Variants in PARD3 observed in about 807,000 individuals in gnomAD.
PARD3 encodes the protein partitioning defective 3 homolog.
Under a neutral mutation model 155.4 loss-of-function variants are expected in PARD3, and 75 were observed. The observed-to-expected ratio is 0.48, with a 90% CI of 0.40 to 0.58. PARD3 has a LOEUF of 0.58. Ranked by LOEUF, PARD3 falls within the 20% of genes least tolerant of loss-of-function variation. The pLI is 0.00. For synonymous variants in PARD3, 576 were observed against 610.5 expected (o/e 0.94, Z 0.83); for missense variants, 1,642 against 1,721.7 (o/e 0.95, Z 0.82).
intron 24 of PARD3, among the ~76,000 whole-genome samples, chr10:34,118,713 T>A (rs1208465691): frequency 6.6e-6 from 1 of 152,182 alleles, no homozygotes; most frequent in Non-Finnish European, 1.5e-5. Flanking sequence ...AGCATTTGTC[T>A]CCTAACTCCC....
chr10:34,429,324 C>A (rs2075779701), intron 5 of PARD3, among the ~76,000 whole-genome samples: 1 of 151,974 alleles, frequency 6.6e-6, no homozygotes, highest in Non-Finnish European at 1.5e-5. Flanking sequence ...TGTCTAGACA[C>A]CTCTTTGAAT....
At chr10:34,348,315 C>A (rs1837641596) in intron 14 of PARD3, among the ~76,000 whole-genome samples, 200 bp from the exon 15 acceptor site, 1 of 152,176 alleles carries the variant, frequency 6.6e-6, no homozygotes, top group Non-Finnish European at 1.5e-5. Context: ...TATACCATGC[C>A]TCCCATGAAG....
At chr10:34,807,496 C>T (rs1363811360) in intron 1 of PARD3, among the ~76,000 whole-genome samples, 1 of 152,182 alleles carries the variant, frequency 6.6e-6, no homozygotes, top group Non-Finnish European at 1.5e-5. Context: ...AAGGAAACCT[C>T]ATACCCATTC....
intron 24 of PARD3, among the ~76,000 whole-genome samples, chr10:34,116,706 A>G (rs998580842): frequency 2.6e-5 from 4 of 152,258 alleles, no homozygotes; most frequent in Non-Finnish European, 4.4e-5. Context: ...CCAAACTTAC[A>G]TAACTCTTTA....
At chr10:34,422,126 T>C (rs2075345211) in intron 5 of PARD3, among the ~76,000 whole-genome samples, 1 of 152,188 alleles carries the variant, frequency 6.6e-6, no homozygotes, top group South Asian at 2.1e-4. Context: ...AGTTTATGAA[T>C]AATCCACCTT....
chr10:34,542,814 T>C (rs1285178198), intron 2 of PARD3, among the ~76,000 whole-genome samples: 1 of 152,224 alleles, frequency 6.6e-6, no homozygotes, highest in Non-Finnish European at 1.5e-5. Flanking sequence ...CAAGGCATCA[T>C]CATTTATACA....
chr10:34,679,335 A>T (rs2093768465), intron 2 of PARD3, among the ~76,000 whole-genome samples: 1 of 152,114 alleles, frequency 6.6e-6, no homozygotes, highest in Admixed American at 6.5e-5. Flanking sequence ...GTAGTTTGTC[A>T]AGAGTAAAAC....
chr10:34,460,711 T>C (rs1202731284), intron 4 of PARD3, among the ~76,000 whole-genome samples: 2 of 152,014 alleles, frequency 1.3e-5, no homozygotes, highest in Non-Finnish European at 2.9e-5. Context: ...CAGGCACCTG[T>C]AGTCCCAGCT....
intron 22 of PARD3, among the ~76,000 whole-genome samples, chr10:34,165,517 G>A (rs1009946090): frequency 6.6e-6 from 1 of 152,178 alleles, no homozygotes; most frequent in African/African-American, 2.4e-5. Context: ...CGTGCCCCAA[G>A]AGGAAAAACC....
chr10:34,318,523 TAA>T (rs1320700258), intron 19 of PARD3, among the ~76,000 whole-genome samples: 2 of 152,162 alleles, frequency 1.3e-5, no homozygotes, highest in African/African-American at 4.8e-5. Context: ...ATATCCTCAG[TAA>T]AATTCAGTCC....
chr10:34,755,047 G>A (rs922530663), intron 1 of PARD3, among the ~76,000 whole-genome samples: 3 of 152,138 alleles, frequency 2.0e-5, no homozygotes, highest in African/African-American at 7.2e-5. Context: ...AAAACAGGCA[G>A]AGTGAGCCAA....
At chr10:34,167,056 G>C (rs191134625) in intron 22 of PARD3, among the ~76,000 whole-genome samples, 6 of 152,288 alleles carry the variant, frequency 3.9e-5, no homozygotes, top group Admixed American at 3.3e-4. Flanking sequence ...CCACTAAAGA[G>C]TTACGCCTGC....
intron 5 of PARD3, among the ~76,000 whole-genome samples, chr10:34,409,620 G>A (rs887827750): frequency 5.9e-5 from 9 of 152,168 alleles, no homozygotes; most frequent in African/African-American, 1.7e-4. Flanking sequence ...TGTTTTGCAC[G>A]AAGGGCGTCT....
At chr10:34,140,389 G>C (rs935568486) in intron 22 of PARD3, among the ~76,000 whole-genome samples, 1 of 152,162 alleles carries the variant, frequency 6.6e-6, no homozygotes, top group Non-Finnish European at 1.5e-5. Flanking sequence ...GTTCTCCCAC[G>C]GTACCTGTTC....
At chr10:34,378,197 C>T (rs1841447931) in intron 9 of PARD3, 91 bp from the exon 10 acceptor site, 2 of 922,332 alleles carry the variant, frequency 2.2e-6, no homozygotes, top group East Asian at 2.9e-5. Flanking sequence ...CTCAACTTGA[C>T]ATTTTGTAAC....
chr10:34,696,521 A>G, intron 1 of PARD3, 102 bp from the exon 2 acceptor site: 2 of 757,434 alleles, frequency 2.6e-6, no homozygotes. Context: ...AAAAGGAATC[A>G]ACCTCATATC....
intron 1 of PARD3, among the ~76,000 whole-genome samples, chr10:34,749,656 T>C (rs1835741902): frequency 6.6e-6 from 1 of 152,136 alleles, no homozygotes; most frequent in Non-Finnish European, 1.5e-5. Flanking sequence ...GCATTTAATA[T>C]GTATTGCCGG....
intron 2 of PARD3, among the ~76,000 whole-genome samples, chr10:34,621,634 G>A (rs1030780471): frequency 1.3e-5 from 2 of 152,036 alleles, no homozygotes; most frequent in African/African-American, 2.4e-5. Context: ...CTGCTACCTT[G>A]ACACCTTTTA....
chr10:34,453,443 C>A (rs2077167272), intron 4 of PARD3, among the ~76,000 whole-genome samples: 1 of 152,176 alleles, frequency 6.6e-6, no homozygotes, highest in Non-Finnish European at 1.5e-5. Flanking sequence ...TAAACCCAAG[C>A]ACTCAGCACA....
Sources: gnomAD v4.1 joint callset for allele counts (sites outside exome capture counted in the v4.1 genomes callset) on GRCh38, gnomAD v4.1.1 for gene constraint, MANE v1.5 for transcripts, NCBI Gene and HGNC (gene_info 2026-07-23, HGNC 2026-07-21) for gene names.